Variants in DYNC2LI1 observed in about 807,000 individuals in gnomAD.
The protein encoded by DYNC2LI1 is cytoplasmic dynein 2 light intermediate chain 1.
In DYNC2LI1, 45 loss-of-function variants were observed where a neutral mutation model predicts 51.9. The ratio of observed to expected loss-of-function variants is 0.87; its 90% CI spans 0.68 to 1.11. The LOEUF is 1.11. Among genes scored for constraint, DYNC2LI1 ranks in the 50% most tolerant of loss-of-function variants. The pLI is 0.00. For synonymous variants in DYNC2LI1, 130 were observed against 137.8 expected, an observed-to-expected ratio of 0.94 and a Z score of 0.40; for missense variants, 490 against 417.4, an observed-to-expected ratio of 1.17 and a Z score of -1.51.
At chr2:43,794,931 T>G in intron 6 of DYNC2LI1, 1 of 1,323,796 alleles carries the variant, frequency 7.6e-7, no homozygotes, top group South Asian at 2.3e-5. Flanking sequence ...GATTTTATAA[T>G]CTCTGTAAAA....
chr2:43,813,741 A>C (rs1572737333), downstream of DYNC2LI1, among the ~76,000 whole-genome samples: 1 of 84,180 alleles, frequency 1.2e-5, no homozygotes, highest in Non-Finnish European at 2.1e-5. Context: ...TTTTTGAGAC[A>C]CAGTTTCACT....
the DYNC2LI1 span, among the ~76,000 whole-genome samples, chr2:43,819,367 T>A: frequency 6.6e-5 from 10 of 152,150 alleles, no homozygotes; most frequent in Non-Finnish European, 1.5e-4. Flanking sequence ...AGAAAAAAAT[T>A]AAAATCAATA....
chr2:43,820,051 C>T, the DYNC2LI1 span: 1 of 1,614,036 alleles, frequency 6.2e-7, no homozygotes, highest in Non-Finnish European at 8.5e-7. Context: ...GCCAAGAGAG[C>T]AGCAGAAAAA....
Position 43,809,734 on chromosome 2 carries a change from C to T in DYNC2LI1, c.1023C>T (p.Ser341=), listed in dbSNP as rs1666414284. Residue 341 remains serine, a synonymous_variant, in exon 13 of 13, where the codon TCC becomes TCT. Coordinates refer to ENST00000260605, the MANE Select transcript of DYNC2LI1 (RefSeq NM_016008.4). ...LELEQYKRSS[S]KSWKQIELDS ...TGGAACAGTACAAAAGAAGTTCTTC[C>T]AAGTCTTGGAAACAAATCGAGCTTG... is the stretch of plus-strand genomic sequence containing the variant. 1.9e-6 allele frequency: 3 copies of T among 1,611,866 alleles called. No individual in the cohort carries two copies. The highest frequency in any genetic ancestry group is 4.5e-5 in the East Asian group (2 of 44,736).
chr2:43,823,202 G>A, the DYNC2LI1 span, among the ~76,000 whole-genome samples: 1,135 of 152,156 alleles, frequency 7.5e-3, 11 homozygotes, highest in African/African-American at 0.021. Flanking sequence ...ACCAATTCAC[G>A]AAAAGTACAT....
chr2:43,809,847 A>G lies in DYNC2LI1; in HGVS notation c.*80A>G, dbSNP rs1666419308. ...ATACTGTGAATTAACTATTGTGGCA[A>G]TATGTGAAGAAAGTTAAACTGTATA... is the stretch of plus-strand genomic sequence containing the variant. On this transcript the variant is annotated 3_prime_UTR_variant, in exon 13 of 13. Transcript: ENST00000260605. 3 of 1,514,182 alleles carry G rather than the reference A, an allele frequency of 2.0e-6. No homozygotes were observed. In the Admixed American group the frequency reaches 7.0e-5, roughly 35 times the overall value. The allele number at this position is 1,514,182 out of a possible 1,614,324, so 93.8% of individuals were successfully genotyped here.
chr2:43,828,135 C>T, the DYNC2LI1 span: 3 of 1,613,786 alleles, frequency 1.9e-6, no homozygotes, highest in Admixed American at 5.0e-5. Flanking sequence ...ACACAAATTA[C>T]AGGAAGGCTG....
intron 4 of DYNC2LI1, 46 bp from the exon 5 acceptor site, chr2:43,789,587 T>C (rs760992508): frequency 5.5e-6 from 8 of 1,457,186 alleles, no homozygotes; most frequent in Non-Finnish European, 6.7e-6. Flanking sequence ...TAATGACATA[T>C]AAGAAGTACT....
the DYNC2LI1 span, among the ~76,000 whole-genome samples, chr2:43,826,831 G>A: frequency 6.6e-6 from 1 of 152,194 alleles, no homozygotes; most frequent in African/African-American, 2.4e-5. Context: ...AGGGCTGGCA[G>A]GCTGGCATCA....
the DYNC2LI1 span, chr2:43,823,836 GACTTTTGTAAGGTT>G: frequency 1.3e-6 from 2 of 1,523,574 alleles, no homozygotes; most frequent in Non-Finnish European, 1.8e-6. Flanking sequence ...TATAATGGTA[GACTTTTGTAAGGTT>G]ACAGCTGGAG....
chr2:43,822,927 G>T, the DYNC2LI1 span: 2 of 1,613,992 alleles, frequency 1.2e-6, no homozygotes, highest in South Asian at 2.2e-5. Context: ...ACAGCTCGCA[G>T]CACGGGAACT....
intron 1 of DYNC2LI1, chr2:43,775,884 T>TC (rs1672994126): frequency 4.8e-6 from 1 of 210,356 alleles, no homozygotes; most frequent in Non-Finnish European, 8.9e-6. Context: ...TTTTTTTTTT[T>TC]AGTAGAGATG....
the DYNC2LI1 span, among the ~76,000 whole-genome samples, chr2:43,822,227 C>CT: frequency 3.9e-5 from 6 of 152,260 alleles, no homozygotes; most frequent in East Asian, 5.8e-4. Flanking sequence ...TACCGAAGCT[C>CT]TTTTTTGGGA....
chr2:43,779,671 G>A (rs185225119), intron 2 of DYNC2LI1, among the ~76,000 whole-genome samples: 1 of 152,350 alleles, frequency 6.6e-6, no homozygotes, highest in Admixed American at 6.5e-5. Flanking sequence ...AAAGCTTGAA[G>A]GTGAGAAGTA....
chr2:43,795,861 ACAACT>A (rs1558686514), intron 6 of DYNC2LI1, 24 bp from the exon 7 acceptor site: 1 of 1,581,028 alleles, frequency 6.3e-7, no homozygotes. Context: ...AAGAATTACA[ACAACT>A]CAAGGAAATA....
In DYNC2LI1 at chr2:43,808,139, A is replaced by G. The variant is rs537609731; in HGVS notation, c.994-1566A>G. 9.5e-4 allele frequency among the ~76,000 whole-genome samples: 144 copies of G among 152,284 alleles called. 1 individual carries two copies. The highest frequency in any genetic ancestry group is 1.7e-3 in the Non-Finnish European group (114 of 68,026). The stretch of plus-strand genomic sequence containing the variant: ...TATTCTTTATGAGTTAATCTTTAAA[A>G]CCGCAAGTGGTAGATAACTGGTGAA... On this transcript the variant is annotated intron_variant, in intron 12 of 12. Transcript: ENST00000260605.
chr2:43,819,654 G>A, the DYNC2LI1 span, among the ~76,000 whole-genome samples: 1 of 152,048 alleles, frequency 6.6e-6, no homozygotes, highest in Non-Finnish European at 1.5e-5. Context: ...TCTTCTCTTG[G>A]TATAATGGTT....
At chr2:43,813,419 T>C, downstream of DYNC2LI1, 1 of 777,908 alleles carries the variant, frequency 1.3e-6, no homozygotes, top group Admixed American at 2.0e-5. Context: ...TACAGGACAC[T>C]TTAGCAAGCC....
At chr2:43,783,491 C>T (rs377008690) in intron 2 of DYNC2LI1, 29 bp from the exon 3 acceptor site, 9 of 1,501,758 alleles carry the variant, frequency 6.0e-6, no homozygotes, top group Middle Eastern at 1.7e-4. Context: ...GTGACATTAA[C>T]GCAGTGTTCC....
Sources: gnomAD v4.1 joint callset for allele counts (sites outside exome capture counted in the v4.1 genomes callset) on GRCh38, gnomAD v4.1.1 for gene constraint, MANE v1.5 for transcripts, NCBI Gene and HGNC (gene_info 2026-07-23, HGNC 2026-07-21) for gene names.